DPP10: variants seen among roughly 807,000 people sequenced by gnomAD.
DPP10 encodes dipeptidyl peptidase like 10.
A neutral mutation model predicts 120.9 loss-of-function variants in DPP10; 33 were observed. The ratio of observed to expected loss-of-function variants is 0.27; its 90% confidence interval spans 0.21 to 0.37. DPP10 has a LOEUF of 0.37. Among genes scored for constraint, DPP10 ranks in the 10% least tolerant of loss-of-function variants. DPP10 has a pLI of 1.00. For synonymous variants in DPP10, 337 were observed against 326.1 expected (o/e 1.03, Z -0.36); for missense variants, 816 against 942.8 (o/e 0.87, Z 1.76).
intron 1 of DPP10, among the ~76,000 whole-genome samples, chr2:114,653,027 A>AGTGTGTGTGTGT (rs10528455): frequency 0.029 from 3,926 of 135,618 alleles, 223 homozygotes; most frequent in African/African-American, 0.11. Flanking sequence ...AGAGAGAGAG[A>AGTGTGTGTGTGT]GTGTGTGTGT....
Position 114,495,124 on chromosome 2 carries a change from T to TA in DPP10, c.60+52294dup, listed in dbSNP as rs577413547. Among the ~76,000 whole-genome samples, 449 of 152,064 alleles carry TA rather than the reference T, an allele frequency of 3.0e-3. 4 individuals are homozygous for TA. Among genetic ancestry groups the TA allele is most frequent in the Admixed American group, 0.01 (158 of 15,250 alleles). On this transcript the variant is annotated intron_variant, in intron 1 of 25. Coordinates refer to ENST00000410059, the MANE Select transcript of DPP10 (RefSeq NM_020868.6). ...TATTTGCTAAGGATTATAGAAATAG[T>TA]AAAAAAAATGTGAACGTTTTCATGG...
chr2:115,664,969 C>T (rs1399061577), intron 5 of DPP10, among the ~76,000 whole-genome samples: 1 of 152,152 alleles, frequency 6.6e-6, no homozygotes, highest in East Asian at 1.9e-4. Context: ...TCGCCTATGG[C>T]TATGGCTACG....
chr2:115,033,024 G>T (rs1454987451), intron 1 of DPP10, among the ~76,000 whole-genome samples: 1 of 152,066 alleles, frequency 6.6e-6, no homozygotes, highest in Non-Finnish European at 1.5e-5. Flanking sequence ...GTGACTCCTT[G>T]CACTTCTCTC....
In DPP10 at chr2:115,844,337, A is replaced by T. The variant is rs1690437094; in HGVS notation, c.*1992A>T. ...TTGAATGTCTATTTGAGTATCATTT[A>T]AAAAGTATTTGCCTTTTACTGTCAT... is the stretch of plus-strand genomic sequence containing the variant. On this transcript the variant is annotated 3_prime_UTR_variant, in exon 26 of 26. Coordinates refer to ENST00000410059, the MANE Select transcript of DPP10 (RefSeq NM_020868.6). 1 of 152,558 alleles carries T rather than the reference A, an allele frequency of 6.6e-6. No homozygotes were observed. Among genetic ancestry groups the T allele is most frequent in the South Asian group, 2.1e-4 (1 of 4,834 alleles). 9.5% of individuals were successfully genotyped at this position (152,558 alleles called of 1,614,324 possible). A position where few individuals can be genotyped will look rare whatever the true frequency, so the allele number is the denominator to read the frequency against.
chr2:115,375,624 G>A (rs998164747), intron 3 of DPP10, among the ~76,000 whole-genome samples: 2 of 152,146 alleles, frequency 1.3e-5, no homozygotes, highest in African/African-American at 4.8e-5. Flanking sequence ...TTCTCACACT[G>A]CTATAAAGAT....
At chr2:115,544,005 C>T (rs1298903886) in intron 5 of DPP10, among the ~76,000 whole-genome samples, 1 of 151,362 alleles carries the variant, frequency 6.6e-6, no homozygotes. Flanking sequence ...ATTGAAAAGT[C>T]TTCCCTTCCG....
chr2:114,614,360 C>T (rs1422957568), intron 1 of DPP10, among the ~76,000 whole-genome samples: 1 of 151,998 alleles, frequency 6.6e-6, no homozygotes, highest in Non-Finnish European at 1.5e-5. Context: ...TTGCTGTTGC[C>T]CTCTCTCCCC....
At chr2:115,453,584 A>G (rs186945761) in intron 3 of DPP10, among the ~76,000 whole-genome samples, 14 of 151,786 alleles carry the variant, frequency 9.2e-5, no homozygotes, top group Admixed American at 9.2e-4. Context: ...AATATTTTGG[A>G]CTGAATGAAG....
intron 5 of DPP10, among the ~76,000 whole-genome samples, chr2:115,555,672 A>T (rs1342811993): frequency 6.6e-6 from 1 of 152,146 alleles, no homozygotes; most frequent in Non-Finnish European, 1.5e-5. Context: ...AGTTATAAAA[A>T]ATCATTTTCC....
intron 1 of DPP10, among the ~76,000 whole-genome samples, chr2:114,806,331 C>T (rs962861766): frequency 6.6e-6 from 1 of 152,168 alleles, no homozygotes; most frequent in Non-Finnish European, 1.5e-5. Context: ...TATAAAGCTA[C>T]ATCTCAGAAA....
chr2:114,729,397 G>A (rs1676667603), intron 1 of DPP10, among the ~76,000 whole-genome samples: 1 of 152,198 alleles, frequency 6.6e-6, no homozygotes, highest in Non-Finnish European at 1.5e-5. Flanking sequence ...AAACCTCTGA[G>A]CCTCTTCGGG....
chr2:114,469,309 A>T (rs1410907820), intron 1 of DPP10, among the ~76,000 whole-genome samples: 1 of 152,254 alleles, frequency 6.6e-6, no homozygotes, highest in Non-Finnish European at 1.5e-5. Context: ...AATACTAAGT[A>T]CTTATTAAAC....
chr2:115,827,901 A>C (rs1688539785), intron 21 of DPP10, among the ~76,000 whole-genome samples: 1 of 152,010 alleles, frequency 6.6e-6, no homozygotes, highest in Admixed American at 6.6e-5. Context: ...CCGGCCTAAA[A>C]GTGAGTTATT....
Position 115,470,098 on chromosome 2 carries a change from T to A in DPP10, c.272-29412T>A, listed in dbSNP as rs75635660. ...ATTGGGAATTTTCAAAATATGAATTTGGTTAGTTACAACAAACAATCAAAA... is the reference window on the plus strand; with the variant it reads ...ATTGGGAATTTTCAAAATATGAATTAGGTTAGTTACAACAAACAATCAAAA... On this transcript the variant is annotated intron_variant, in intron 3 of 25. Transcript: ENST00000410059. 7.4e-3 allele frequency among the ~76,000 whole-genome samples: 1,124 copies of A among 152,272 alleles called. 6 individuals carry two copies. Among genetic ancestry groups the A allele is most frequent in the African/African-American group, 0.025 (1,029 of 41,548 alleles).
chr2:114,550,085 G>A (rs910937434), intron 1 of DPP10, among the ~76,000 whole-genome samples: 2 of 152,088 alleles, frequency 1.3e-5, no homozygotes, highest in Non-Finnish European at 2.9e-5. Flanking sequence ...TTCTTGCCCT[G>A]TCTATTGCCA....
intron 12 of DPP10, among the ~76,000 whole-genome samples, chr2:115,764,159 G>T (rs1680438607): frequency 6.6e-6 from 1 of 151,772 alleles, no homozygotes; most frequent in South Asian, 2.1e-4. Context: ...AGGACATGAG[G>T]ATGTTTTTTA....
chr2:115,250,329 T>G (rs1483514195), intron 1 of DPP10, among the ~76,000 whole-genome samples: 1 of 152,182 alleles, frequency 6.6e-6, no homozygotes, highest in Non-Finnish European at 1.5e-5. Context: ...CTCCCATAAT[T>G]CCGAACTGAA....
chr2:114,811,841 T>A (rs572692697), intron 1 of DPP10, among the ~76,000 whole-genome samples: 1 of 152,314 alleles, frequency 6.6e-6, no homozygotes, highest in African/African-American at 2.4e-5. Flanking sequence ...AAGATACAAT[T>A]TCTTTTTTGG....
chr2:114,530,894 TA>T (rs1685918085), intron 1 of DPP10, among the ~76,000 whole-genome samples: 1 of 152,112 alleles, frequency 6.6e-6, no homozygotes, highest in Non-Finnish European at 1.5e-5. Flanking sequence ...GAATCTATAT[TA>T]TACATTTTTA....
Sources: allele counts gnomAD v4.1 joint callset (sites outside exome capture counted in the v4.1 genomes callset), GRCh38; gene constraint gnomAD v4.1.1; transcripts MANE v1.5; gene names NCBI Gene and HGNC (gene_info 2026-07-23, HGNC 2026-07-21).